Variants in DGKI observed in about 807,000 individuals in gnomAD.
DGKI encodes the protein DAG kinase iota.
In DGKI, 55 loss-of-function variants were observed where a neutral mutation model predicts 147.5. That is an observed-to-expected ratio of 0.37 (90% CI 0.30 to 0.47). DGKI has a LOEUF of 0.47. DGKI is among the 20% of genes least tolerant of loss of function. The pLI is 1.00. For missense variants in DGKI, 1,007 were observed against 1,323.8 expected, an observed-to-expected ratio of 0.76 and a Z score of 3.71; for synonymous variants, 469 against 477.1, an observed-to-expected ratio of 0.98 and a Z score of 0.22.
At chr7:137,449,840 T>A (rs1326125360) in intron 27 of DGKI, among the ~76,000 whole-genome samples, 3 of 152,204 alleles carry the variant, frequency 2.0e-5, no homozygotes, top group Non-Finnish European at 4.4e-5. Context: ...TTCCCACATT[T>A]ATTACAGCAC....
At chr7:137,827,479 T>C (rs1424871194) in intron 1 of DGKI, among the ~76,000 whole-genome samples, 1 of 152,210 alleles carries the variant, frequency 6.6e-6, no homozygotes, top group African/African-American at 2.4e-5. Context: ...CAATTCCTGC[T>C]GCCTGGAACG....
intron 6 of DGKI, among the ~76,000 whole-genome samples, chr7:137,636,654 G>A (rs1218066542): frequency 1.3e-5 from 2 of 152,194 alleles, no homozygotes; most frequent in Non-Finnish European, 2.9e-5. Flanking sequence ...AGCTGATGCA[G>A]CTTGGATATC....
intron 1 of DGKI, among the ~76,000 whole-genome samples, chr7:137,822,949 T>C (rs908314321): frequency 6.8e-6 from 1 of 146,938 alleles, no homozygotes; most frequent in African/African-American, 2.5e-5. Flanking sequence ...AGAACTTTAA[T>C]AGAAAAAAAA....
chr7:137,576,912 C>A (rs1019979999), intron 17 of DGKI, among the ~76,000 whole-genome samples: 1 of 152,146 alleles, frequency 6.6e-6, no homozygotes. Flanking sequence ...TCACTTCTCC[C>A]TTTGTGCCAC....
chr7:137,620,188 G>A (rs6946550), intron 7 of DGKI, among the ~76,000 whole-genome samples: 5 of 151,942 alleles, frequency 3.3e-5, no homozygotes, highest in Non-Finnish European at 7.4e-5. Context: ...GATTTATTCC[G>A]GTTTACAAAC....
chr7:137,636,222 G>A (rs918371268), intron 6 of DGKI, among the ~76,000 whole-genome samples: 17 of 152,124 alleles, frequency 1.1e-4, no homozygotes, highest in Non-Finnish European at 1.3e-4. Context: ...GAGAGATAAC[G>A]GTCTTGGTCC....
At chr7:137,666,179 T>G (rs1425724131) in intron 3 of DGKI, among the ~76,000 whole-genome samples, 17 of 152,228 alleles carry the variant, frequency 1.1e-4, no homozygotes, top group Non-Finnish European at 5.9e-5. Flanking sequence ...AATGGTTAAA[T>G]GTGACTTATG....
At chr7:137,799,369 A>C (rs1306751632) in intron 1 of DGKI, among the ~76,000 whole-genome samples, 3 of 152,212 alleles carry the variant, frequency 2.0e-5, no homozygotes, top group Non-Finnish European at 4.4e-5. Context: ...GGAAGTGACT[A>C]TTAATGGGTA....
chr7:137,407,521 G>C (rs1413683441), intron 30 of DGKI, among the ~76,000 whole-genome samples: 2 of 151,994 alleles, frequency 1.3e-5, no homozygotes, highest in Admixed American at 1.3e-4. Context: ...GTGAGGTAGG[G>C]AATCCCAACC....
chr7:137,755,751 A>T (rs1036666119), intron 1 of DGKI, among the ~76,000 whole-genome samples: 3 of 152,176 alleles, frequency 2.0e-5, no homozygotes, highest in African/African-American at 7.2e-5. Context: ...TGGATGAGGA[A>T]GAGGCTAAAC....
At chr7:137,423,415 T>G (rs999594300) in intron 28 of DGKI, among the ~76,000 whole-genome samples, 1 of 152,172 alleles carries the variant, frequency 6.6e-6, no homozygotes, top group Non-Finnish European at 1.5e-5. Context: ...GGTGAACAAG[T>G]GTACTCATGT....
intron 1 of DGKI, among the ~76,000 whole-genome samples, chr7:137,773,260 G>A (rs1585474334): frequency 6.6e-6 from 1 of 152,234 alleles, no homozygotes; most frequent in South Asian, 2.1e-4. Flanking sequence ...GGTACCACAC[G>A]TATAGCACGG....
intron 27 of DGKI, among the ~76,000 whole-genome samples, chr7:137,457,103 C>T (rs1006024134): frequency 2.6e-5 from 4 of 152,134 alleles, no homozygotes; most frequent in Non-Finnish European, 5.9e-5. Context: ...TGTCAGCTAT[C>T]CTGTATTTTT....
chr7:137,421,014 G>A (rs372940124), intron 28 of DGKI, among the ~76,000 whole-genome samples: 18 of 151,910 alleles, frequency 1.2e-4, no homozygotes, highest in Admixed American at 6.6e-4. Flanking sequence ...GTGAGATTCC[G>A]TCTCAATAAA....
intron 21 of DGKI, among the ~76,000 whole-genome samples, chr7:137,495,731 A>G (rs747466105): frequency 1.8e-4 from 27 of 152,148 alleles, no homozygotes; most frequent in Non-Finnish European, 3.5e-4. Context: ...CAACAGATGT[A>G]GAAAGGGCTT....
chr7:137,504,712 A>T (rs140957057), intron 21 of DGKI, among the ~76,000 whole-genome samples: 1 of 152,314 alleles, frequency 6.6e-6, no homozygotes, highest in East Asian at 1.9e-4. Context: ...TCATTTAATC[A>T]ACCTATGCAT....
rs1439690402 is a variant in DGKI at position 137,813,341 on chromosome 7, G to T, written c.401+33121C>A. Among the ~76,000 whole-genome samples the T allele has an allele frequency of 2.0e-5, 3 of 152,286 alleles. No individual in the cohort carries two copies. The East Asian group carries it at 5.8e-4, about 29-fold the overall frequency. On this transcript the variant is annotated intron_variant, in intron 1 of 32. Coordinates refer to ENST00000614521, the MANE Select transcript of DGKI (RefSeq NM_001321708.2). ...GTTTGGCAAGCTGACAGCCTTCTTTGTATGTATTAGAGTAGGTCAGTAAGG... is the reference window on the plus strand; with the variant it reads ...GTTTGGCAAGCTGACAGCCTTCTTTTTATGTATTAGAGTAGGTCAGTAAGG...
At chr7:137,518,797 G>C (rs1368775379) in intron 21 of DGKI, among the ~76,000 whole-genome samples, 1 of 151,902 alleles carries the variant, frequency 6.6e-6, no homozygotes, top group Non-Finnish European at 1.5e-5. Context: ...ATCTCTTCTG[G>C]GGTTAGAAAT....
intron 1 of DGKI, among the ~76,000 whole-genome samples, chr7:137,805,360 G>T (rs1472530768): frequency 6.6e-6 from 1 of 152,178 alleles, no homozygotes; most frequent in African/African-American, 2.4e-5. Context: ...AATGGAGAAA[G>T]AATGCCTACC....
Sources: allele counts gnomAD v4.1 joint callset (sites outside exome capture counted in the v4.1 genomes callset), GRCh38; gene constraint gnomAD v4.1.1; transcripts MANE v1.5; gene names NCBI Gene and HGNC (gene_info 2026-07-23, HGNC 2026-07-21).